Variants in ITFG1 observed in about 807,000 individuals in gnomAD.
The protein encoded by ITFG1 is integrin alpha FG-GAP repeat containing 1, also known as T-cell immunomodulatory protein.
In ITFG1, 34 loss-of-function variants were observed where a neutral mutation model predicts 81.8. That is an observed-to-expected ratio of 0.42 (90% confidence interval 0.32 to 0.55). The LOEUF (loss-of-function observed/expected upper bound fraction) is 0.55. Ranked by LOEUF, ITFG1 falls within the 20% of genes least tolerant of loss-of-function variation. ITFG1 has a pLI of 0.17. For synonymous variants in ITFG1, 285 were observed against 270.6 expected (o/e 1.05, Z -0.52); for missense variants, 672 against 755.4 (o/e 0.89, Z 1.29).
At chr16:47,353,342 C>T (rs892982686) in intron 8 of ITFG1, among the ~76,000 whole-genome samples, 2 of 152,104 alleles carry the variant, frequency 1.3e-5, no homozygotes, top group African/African-American at 4.8e-5. Context: ...TGACAGAATT[C>T]AGTATCCCTT....
intron 8 of ITFG1, among the ~76,000 whole-genome samples, chr16:47,331,682 G>C (rs1205398387): frequency 6.6e-6 from 1 of 152,074 alleles, no homozygotes; most frequent in Non-Finnish European, 1.5e-5. Context: ...TAGTTTAAAA[G>C]TAAAAGAAGG....
At chr16:47,371,754 C>T (rs957762862) in intron 7 of ITFG1, among the ~76,000 whole-genome samples, 2 of 152,058 alleles carry the variant, frequency 1.3e-5, no homozygotes, top group African/African-American at 4.8e-5. Context: ...GAGGTGGTTA[C>T]TATGAACTAG....
chr16:47,158,813 C>A, intron 17 of ITFG1, 60 bp downstream of exon 17: 1 of 783,096 alleles, frequency 1.3e-6, no homozygotes, highest in Non-Finnish European at 2.1e-6. Flanking sequence ...TTTTAAAGAG[C>A]AATGTATGTA....
At chr16:47,279,783 C>A (rs563178506) in intron 10 of ITFG1, among the ~76,000 whole-genome samples, 6 of 152,180 alleles carry the variant, frequency 3.9e-5, no homozygotes, top group Non-Finnish European at 7.4e-5. Flanking sequence ...CACCAATGGT[C>A]TTCTTTGATT....
intron 10 of ITFG1, among the ~76,000 whole-genome samples, chr16:47,261,112 G>A (rs1966205061): frequency 6.6e-6 from 1 of 152,180 alleles, no homozygotes; most frequent in Non-Finnish European, 1.5e-5. Context: ...CAGAATTTCA[G>A]CTGCTCTCAT....
chr16:47,227,349 G>A (rs1037147020), intron 13 of ITFG1, among the ~76,000 whole-genome samples: 3 of 152,142 alleles, frequency 2.0e-5, no homozygotes, highest in African/African-American at 7.2e-5. Context: ...ATATTAGGGT[G>A]TCCTTTTAAA....
chr16:47,383,241 A>T (rs1292442391), intron 6 of ITFG1, among the ~76,000 whole-genome samples: 1 of 152,206 alleles, frequency 6.6e-6, no homozygotes, highest in African/African-American at 2.4e-5. Context: ...GGAGAACAGG[A>T]CCCTGGCATC....
Position 47,203,705 on chromosome 16 carries a change from C to CGT in ITFG1, c.1453+15162_1453+15163insAC, listed in dbSNP as rs146287725. 1.7e-3 allele frequency among the ~76,000 whole-genome samples: 265 copies of CGT among 152,334 alleles called. 2 individuals are homozygous for CGT. The Middle Eastern group carries it at 0.024, about 14-fold the overall frequency. On this transcript the variant is annotated intron_variant, in intron 14 of 17. Transcript: ENST00000320640. ...GATTGATGGGGAGCAGCTGTAAATA[C>CGT]AGATGAAGCTTTGCTTGCTCACCTG...
At chr16:47,237,252 C>G (rs1464748644) in intron 13 of ITFG1, among the ~76,000 whole-genome samples, 1 of 152,144 alleles carries the variant, frequency 6.6e-6, no homozygotes, top group Non-Finnish European at 1.5e-5. Context: ...GAAAATGAGA[C>G]AATAATGAGA....
At chr16:47,199,042 G>C (rs1395879366) in intron 14 of ITFG1, among the ~76,000 whole-genome samples, 1 of 152,126 alleles carries the variant, frequency 6.6e-6, no homozygotes, top group African/African-American at 2.4e-5. Context: ...GGGAGGCTGA[G>C]ACAGGTGGAT....
chr16:47,394,181 A>C (rs976498225), intron 6 of ITFG1, among the ~76,000 whole-genome samples: 68 of 152,228 alleles, frequency 4.5e-4, no homozygotes, highest in African/African-American at 1.5e-3. Flanking sequence ...ACTGTGGCCC[A>C]AGAGGACAGA....
chr16:47,381,748 T>C lies in ITFG1; in HGVS notation c.656-5808A>G, dbSNP rs143562858. Among the ~76,000 whole-genome samples, 953 of 152,330 alleles carry C rather than the reference T, an allele frequency of 6.3e-3. 5 individuals are homozygous for C. The highest frequency in any genetic ancestry group is 0.01 in the Non-Finnish European group (703 of 68,022). ...TCCTCCACTTATTCATTAAAAAGTA[T>C]ACTGAAGGCCATATGACTTCTGAAA... On this transcript the variant is annotated intron_variant, in intron 6 of 17. Coordinates refer to ENST00000320640, the MANE Select transcript of ITFG1 (RefSeq NM_030790.5).
At chr16:47,372,252 T>A (rs766416610) in intron 7 of ITFG1, among the ~76,000 whole-genome samples, 12 of 152,236 alleles carry the variant, frequency 7.9e-5, no homozygotes, top group East Asian at 3.9e-4. Flanking sequence ...TTTAAAAAAA[T>A]TTTTAATATA....
At chr16:47,347,505 C>A (rs987473934) in intron 8 of ITFG1, among the ~76,000 whole-genome samples, 1 of 152,226 alleles carries the variant, frequency 6.6e-6, no homozygotes, top group Non-Finnish European at 1.5e-5. Context: ...GGAGGGGCGC[C>A]CACCATTGCT....
intron 8 of ITFG1, among the ~76,000 whole-genome samples, chr16:47,335,411 C>CA (rs1256297360): frequency 3.3e-5 from 5 of 151,834 alleles, no homozygotes; most frequent in African/African-American, 9.7e-5. Flanking sequence ...CCCAAAACAA[C>CA]AAAAAACCCT....
At chr16:47,232,321 G>A (rs1013011587) in intron 13 of ITFG1, among the ~76,000 whole-genome samples, 3 of 152,208 alleles carry the variant, frequency 2.0e-5, no homozygotes, top group Non-Finnish European at 2.9e-5. Flanking sequence ...CAAAATTACT[G>A]TAGATAGTTG....
At chr16:47,245,514 A>AT (rs1047142241) in intron 12 of ITFG1, among the ~76,000 whole-genome samples, 4 of 151,628 alleles carry the variant, frequency 2.6e-5, no homozygotes, top group Non-Finnish European at 2.9e-5. Flanking sequence ...TCATACCCCA[A>AT]TTTTTTTTCC....
chr16:47,182,309 T>A (rs1965136526), intron 14 of ITFG1, among the ~76,000 whole-genome samples: 2 of 151,996 alleles, frequency 1.3e-5, no homozygotes, highest in East Asian at 3.8e-4. Flanking sequence ...TTTGCCATTT[T>A]GGATAAAATA....
intron 6 of ITFG1, among the ~76,000 whole-genome samples, chr16:47,390,100 G>A (rs1323247097): frequency 1.3e-5 from 2 of 152,228 alleles, no homozygotes; most frequent in Non-Finnish European, 1.5e-5. Context: ...AAAGCAGCAT[G>A]AGATGTGTAT....
Sources: allele counts gnomAD v4.1 joint callset (sites outside exome capture counted in the v4.1 genomes callset), GRCh38; gene constraint gnomAD v4.1.1; transcripts MANE v1.5; gene names NCBI Gene and HGNC (gene_info 2026-07-23, HGNC 2026-07-21).